USP32: variants seen among roughly 807,000 people sequenced by gnomAD.
USP32 encodes the protein ubiquitin carboxyl-terminal hydrolase 32.
In USP32, 59 loss-of-function variants were observed where a neutral mutation model predicts 204.8. The ratio of observed to expected loss-of-function variants is 0.29; its 90% confidence interval spans 0.23 to 0.36. The LOEUF (loss-of-function observed/expected upper bound fraction) is 0.36, where lower values mean the gene tolerates loss of function less well. Among genes scored for constraint, USP32 ranks in the 10% least tolerant of loss-of-function variants. USP32 has a pLI of 1.00. For missense variants in USP32, 1,160 were observed against 1,946.4 expected (o/e 0.60, Z 7.60); for synonymous variants, 517 against 678.4 (o/e 0.76, Z 3.70).
intron 11 of USP32, among the ~76,000 whole-genome samples, chr17:60,251,683 AC>A (rs2145708203): frequency 6.6e-6 from 1 of 152,332 alleles, no homozygotes; most frequent in Admixed American, 6.5e-5. Context: ...AAATATGCAT[AC>A]CTTTGTTTTT....
intron 2 of USP32, among the ~76,000 whole-genome samples, chr17:60,339,045 G>A (rs2088592309): frequency 6.6e-6 from 1 of 151,724 alleles, no homozygotes; most frequent in African/African-American, 2.4e-5. Flanking sequence ...AAGTAGCTGG[G>A]ATTACAGGAG....
chr17:60,405,331 T>C (rs897358392), intron 1 of USP32, among the ~76,000 whole-genome samples: 11 of 152,028 alleles, frequency 7.2e-5, no homozygotes, highest in Admixed American at 6.5e-5. Flanking sequence ...GCCTCCCAAG[T>C]AGCTGGGATT....
chr17:60,253,960 T>C (rs2086232745), intron 10 of USP32, among the ~76,000 whole-genome samples: 1 of 152,220 alleles, frequency 6.6e-6, no homozygotes, highest in Non-Finnish European at 1.5e-5. Context: ...AGATTATATA[T>C]GTTTTAAATA....
chr17:60,181,220 T>C (rs973059478), intron 32 of USP32, 104 bp downstream of exon 32: 2 of 1,429,938 alleles, frequency 1.4e-6, no homozygotes, highest in African/African-American at 1.4e-5. Context: ...AGCTCAATGC[T>C]AGGAAATAAG....
chr17:60,404,566 T>A (rs2089961049), intron 1 of USP32, among the ~76,000 whole-genome samples: 1 of 152,162 alleles, frequency 6.6e-6, no homozygotes, highest in Non-Finnish European at 1.5e-5. Flanking sequence ...AGATTTGGCA[T>A]AATGAGACTC....
At chr17:60,203,213 C>T (rs1341395866) in intron 26 of USP32, among the ~76,000 whole-genome samples, 3 of 150,482 alleles carry the variant, frequency 2.0e-5, no homozygotes, top group African/African-American at 7.4e-5. Flanking sequence ...CCATCCTGGC[C>T]AACATGGTGA....
chr17:60,301,520 C>G (rs2087574969), intron 3 of USP32, 79 bp downstream of exon 3: 1 of 848,930 alleles, frequency 1.2e-6, no homozygotes, highest in Admixed American at 3.8e-5. Context: ...CAATTCAAAT[C>G]CTCTACCTGT....
At chr17:60,261,005 G>A (rs1353309690) in intron 9 of USP32, among the ~76,000 whole-genome samples, 1 of 152,078 alleles carries the variant, frequency 6.6e-6, no homozygotes, top group Non-Finnish European at 1.5e-5. Context: ...CTACGGGTGA[G>A]GATATGATCT....
At chr17:60,286,708 A>G (rs2087122413) in intron 5 of USP32, among the ~76,000 whole-genome samples, 1 of 152,220 alleles carries the variant, frequency 6.6e-6, no homozygotes, top group Non-Finnish European at 1.5e-5. Flanking sequence ...CCCTATAGCA[A>G]CTAAAGATAA....
chr17:60,398,707 T>A (rs2089915530), intron 1 of USP32, among the ~76,000 whole-genome samples: 1 of 151,948 alleles, frequency 6.6e-6, no homozygotes, highest in Admixed American at 6.6e-5. Flanking sequence ...GCTCAGAAAT[T>A]AAACTCCTGT....
intron 1 of USP32, among the ~76,000 whole-genome samples, chr17:60,377,986 T>C (rs1302326433): frequency 6.6e-6 from 1 of 152,236 alleles, no homozygotes; most frequent in Non-Finnish European, 1.5e-5. Flanking sequence ...TCCACAGATA[T>C]TAATATATCT....
At position 60,183,214 on chromosome 17, in the gene USP32, C is replaced by T; in HGVS notation, c.4074G>A (p.Leu1358=). 1 of 1,613,980 alleles carries T rather than the reference C, an allele frequency of 6.2e-7. No individual in the cohort carries two copies. ...CGCTGAGTGAGGATGGGCTTTTGCT[C>T]AGGAGCACGTCCTCTTCCCCAGCCG... is the stretch of plus-strand genomic sequence containing the variant. ...QSSAGEEDVL[L]SKSPSSLSAN... is the part of the protein sequence containing the mutation. The change falls in exon 31 of 34, where the codon CTG becomes CTA. Residue 1358 remains leucine (L), a synonymous_variant. Transcript: ENST00000300896.
intron 1 of USP32, among the ~76,000 whole-genome samples, chr17:60,369,350 G>T (rs1830481195): frequency 6.6e-6 from 1 of 150,578 alleles, no homozygotes; most frequent in South Asian, 2.1e-4. Context: ...CAGCTACTTG[G>T]GAGGCTGAGG....
intron 1 of USP32, among the ~76,000 whole-genome samples, chr17:60,400,791 C>T (rs1340070572): frequency 3.3e-5 from 5 of 151,986 alleles, no homozygotes; most frequent in African/African-American, 1.2e-4. Flanking sequence ...GATGCTGAGT[C>T]GGGGGGATCA....
Position 60,214,770 on chromosome 17 carries a change from A to C in USP32, c.1872T>G (p.Asn624Lys). ...TTAAAGGTGCATTCGGAGAAGGTAC[A>C]TTTCCTATGGTTACAGTAATCACAG... is the stretch of plus-strand genomic sequence containing the variant. ...QQSNIWVNMG[N>K]VPSPNAPLKR... is the part of the protein sequence containing the mutation. The change falls in exon 17 of 34, where the codon AAT becomes AAG. Residue 624 changes from asparagine to lysine, a missense_variant. Physicochemically the swap from Asn to Lys is moderately conservative, Grantham distance 94. Transcript: ENST00000300896. 2.5e-6 allele frequency: 4 copies of C among 1,613,988 alleles called. No homozygotes were observed. The highest frequency in any genetic ancestry group is 3.4e-6 in the Non-Finnish European group (4 of 1,179,872).
chr17:60,198,527 G>A, intron 26 of USP32, 83 bp from the exon 27 acceptor site: 1 of 1,498,266 alleles, frequency 6.7e-7, no homozygotes, highest in Non-Finnish European at 9.1e-7. Context: ...GCCTGCCAAT[G>A]ACAGGCACTA....
chr17:60,287,608 A>T (rs1433513887), intron 5 of USP32, among the ~76,000 whole-genome samples: 7 of 152,128 alleles, frequency 4.6e-5, no homozygotes, highest in Non-Finnish European at 8.8e-5. Flanking sequence ...CTATAACAGG[A>T]CTTCAGAGGG....
intron 2 of USP32, among the ~76,000 whole-genome samples, 189 bp from the exon 3 acceptor site, chr17:60,301,893 AC>A (rs1194117262): frequency 2.6e-5 from 4 of 152,180 alleles, no homozygotes; most frequent in Non-Finnish European, 5.9e-5. Context: ...CCTAGAATAG[AC>A]TGTGACTACT....
chr17:60,416,826 C>T (rs1307663803), intron 1 of USP32, among the ~76,000 whole-genome samples: 2 of 152,028 alleles, frequency 1.3e-5, no homozygotes, highest in Non-Finnish European at 2.9e-5. Flanking sequence ...ACAGTTATTT[C>T]CTCCTTCTGA....
Sources: allele counts gnomAD v4.1 joint callset (sites outside exome capture counted in the v4.1 genomes callset), GRCh38; gene constraint gnomAD v4.1.1; transcripts MANE v1.5; gene names NCBI Gene and HGNC (gene_info 2026-07-23, HGNC 2026-07-21).